ANAPC10: variants seen among roughly 807,000 people sequenced by gnomAD.
ANAPC10 encodes anaphase-promoting complex subunit 10.
In ANAPC10, 12 loss-of-function variants were observed where a neutral mutation model predicts 22.0. That is an observed-to-expected ratio of 0.55 (90% CI 0.35 to 0.88). The LOEUF is 0.88. ANAPC10 is among the 40% of genes least tolerant of loss of function. The pLI is 0.01. For missense variants in ANAPC10, 188 were observed against 220.9 expected (o/e 0.85, Z 0.94); for synonymous variants, 65 against 69.5 (o/e 0.94, Z 0.32).
At chr4:145,034,541 ATATG>A (rs1352853362) in intron 4 of ANAPC10, among the ~76,000 whole-genome samples, 59 of 140,452 alleles carry the variant, frequency 4.2e-4, no homozygotes, top group Non-Finnish European at 7.8e-4. Flanking sequence ...ATATATATAT[ATATG>A]TGTGTGTGTG....
rs1560884655 is a variant in ANAPC10, at chr4:145,054,649, G to GCA, written c.327+9922_327+9923insTG. Among the ~76,000 whole-genome samples, 138 of 146,836 alleles carry GCA rather than the reference G, an allele frequency of 9.4e-4. 3 individuals carry two copies. The highest frequency in any genetic ancestry group is 8.2e-3 in the Admixed American group (123 of 14,928). On this transcript the variant is annotated intron_variant, in intron 4 of 4. Coordinates refer to ENST00000507656, the MANE Select transcript of ANAPC10 (RefSeq NM_001256706.2). ...TGTGTGTGTGTGTGTGTGCGCGCGC[G>GCA]CGCGCGTGCGTGCAGCGCATGTGTG...
intron 4 of ANAPC10, among the ~76,000 whole-genome samples, chr4:145,042,731 T>TA (rs1378584791): frequency 4.2e-4 from 62 of 147,852 alleles, no homozygotes; most frequent in Admixed American, 1.9e-3. Flanking sequence ...GAACTTTCAG[T>TA]AAAAAAAAAA....
At chr4:145,068,012 C>T (rs939974073) in intron 3 of ANAPC10, among the ~76,000 whole-genome samples, 1 of 152,134 alleles carries the variant, frequency 6.6e-6, no homozygotes, top group African/African-American at 2.4e-5. Flanking sequence ...TTCCAGTAGG[C>T]ATCTTGGACC....
In ANAPC10 at chr4:145,020,025, G is replaced by A. The variant is rs560587455; in HGVS notation, c.328-24422C>T. Among the ~76,000 whole-genome samples, 7 of 152,024 alleles carry A rather than the reference G, an allele frequency of 4.6e-5. No homozygotes were observed. The East Asian group carries it at 5.8e-4, about 13-fold the overall frequency. ...AGACTTTCAAAGAAGAATTGGTACCGATCCTACTGACACTATTCCACAAGA... is the reference window on the plus strand; with the variant it reads ...AGACTTTCAAAGAAGAATTGGTACCAATCCTACTGACACTATTCCACAAGA... On this transcript the variant is annotated intron_variant, in intron 4 of 4. Coordinates refer to ENST00000507656, the MANE Select transcript of ANAPC10 (RefSeq NM_001256706.2).
intron 3 of ANAPC10, among the ~76,000 whole-genome samples, chr4:145,073,368 C>G (rs958701572): frequency 3.3e-5 from 5 of 152,104 alleles, no homozygotes; most frequent in Non-Finnish European, 7.4e-5. Context: ...CACCTGTTAC[C>G]TGATATTTTT....
intron 2 of ANAPC10, among the ~76,000 whole-genome samples, chr4:145,085,250 C>A (rs1185834077): frequency 1.3e-5 from 2 of 151,634 alleles, no homozygotes; most frequent in Admixed American, 1.3e-4. Context: ...GTGCGAGAAA[C>A]GGACAAAAAA....
chr4:145,063,410 T>C (rs1743196989), intron 4 of ANAPC10, among the ~76,000 whole-genome samples: 1 of 152,142 alleles, frequency 6.6e-6, no homozygotes, highest in Non-Finnish European at 1.5e-5. Flanking sequence ...ACTTACTTAA[T>C]AAGAAAACAA....
At chr4:145,085,613 C>G (rs776429740) in intron 2 of ANAPC10, among the ~76,000 whole-genome samples, 1 of 151,838 alleles carries the variant, frequency 6.6e-6, no homozygotes, top group Non-Finnish European at 1.5e-5. Flanking sequence ...TCCTATAATT[C>G]AAAACTGATC....
Position 144,995,448 on chromosome 4 carries a change from T to A in ANAPC10, c.483A>T (p.Pro161=). ...THMRQIKIYT[P]VEESSIGKFP... ...ATTTACCAATGGAGCTCTCTTCTAC[T>A]GGTGTGTATATTTTAATTTGTCTCA... The change falls in exon 5 of 5, where the codon CCA becomes CCT. Residue 161 remains proline, a synonymous_variant. Transcript: ENST00000507656. The A allele has an allele frequency of 1.9e-6, 3 of 1,613,814 alleles. No individual in the cohort carries two copies. The highest frequency in any genetic ancestry group is 2.5e-6 in the Non-Finnish European group (3 of 1,179,792).
At chr4:144,999,156 G>C (rs1732111266) in intron 4 of ANAPC10, 1 of 152,270 alleles carries the variant, frequency 6.6e-6, no homozygotes, top group Non-Finnish European at 1.5e-5. Flanking sequence ...TCTAGGACCA[G>C]ATGGATTAAG....
chr4:145,081,537 T>C, intron 3 of ANAPC10, 123 bp downstream of exon 3: 1 of 601,018 alleles, frequency 1.7e-6, no homozygotes, highest in South Asian at 2.7e-5. Context: ...TCTATAAGAC[T>C]TCAGAGTTTA....
At chr4:145,067,783 CCTAAAA>C (rs1309692538) in intron 3 of ANAPC10, among the ~76,000 whole-genome samples, 1 of 152,168 alleles carries the variant, frequency 6.6e-6, no homozygotes. Context: ...AGTTGCCTAA[CCTAAAA>C]TCCCTTTATC....
chr4:145,054,895 A>G (rs1388875813), intron 4 of ANAPC10, among the ~76,000 whole-genome samples: 7 of 152,084 alleles, frequency 4.6e-5, no homozygotes, highest in Non-Finnish European at 1.0e-4. Flanking sequence ...CCCGTATCTT[A>G]TAGTTGTACT....
chr4:145,055,956 C>G (rs75081144), intron 4 of ANAPC10, among the ~76,000 whole-genome samples: 2,760 of 152,234 alleles, frequency 0.018, 95 homozygotes, highest in African/African-American at 0.063. Flanking sequence ...ATGTCTGAGA[C>G]AGGGAATCTG....
chr4:144,999,655 C>T (rs1578855923), intron 4 of ANAPC10, among the ~76,000 whole-genome samples: 1 of 152,184 alleles, frequency 6.6e-6, no homozygotes, highest in East Asian at 1.9e-4. Flanking sequence ...TCAATGCTAT[C>T]CTCATCAAGC....
intron 4 of ANAPC10, among the ~76,000 whole-genome samples, chr4:145,036,889 G>A (rs1738626352): frequency 6.6e-6 from 1 of 152,016 alleles, no homozygotes; most frequent in Non-Finnish European, 1.5e-5. Context: ...AATTAAGAAA[G>A]TTAACATAAA....
At chr4:145,064,183 A>AT (rs1037644011) in intron 4 of ANAPC10, 2 of 153,742 alleles carry the variant, frequency 1.3e-5, no homozygotes, top group African/African-American at 4.8e-5. Flanking sequence ...CTCTACCAAT[A>AT]TATCACACTG....
intron 3 of ANAPC10, among the ~76,000 whole-genome samples, chr4:145,069,192 A>G (rs894838183): frequency 2.0e-5 from 3 of 152,206 alleles, no homozygotes; most frequent in Admixed American, 1.3e-4. Context: ...CAGGCAGCAC[A>G]GGCCTCTAGG....
chr4:145,006,881 C>T (rs1045716519), intron 4 of ANAPC10, among the ~76,000 whole-genome samples: 3 of 152,054 alleles, frequency 2.0e-5, no homozygotes, highest in Non-Finnish European at 4.4e-5. Flanking sequence ...AGAGACTCCT[C>T]TGTATGTTCC....
Sources: allele counts gnomAD v4.1 joint callset (sites outside exome capture counted in the v4.1 genomes callset), GRCh38; gene constraint gnomAD v4.1.1; transcripts MANE v1.5; gene names NCBI Gene and HGNC (gene_info 2026-07-23, HGNC 2026-07-21).